The following ANKFY1 variants were observed in gnomAD, a reference collection of about 807,000 sequenced individuals.
The protein encoded by ANKFY1 is ankyrin repeat and FYVE domain-containing protein 1.
A neutral mutation model predicts 128.3 loss-of-function variants in ANKFY1; 47 were observed. That is an observed-to-expected ratio of 0.37 (90% confidence interval 0.29 to 0.47). The LOEUF (loss-of-function observed/expected upper bound fraction) is 0.47. ANKFY1 is among the 20% of genes least tolerant of loss of function. The pLI, the probability that ANKFY1 is intolerant of heterozygous loss-of-function variation, is 1.00. For missense variants in ANKFY1, 1,222 were observed against 1,510.6 expected, an observed-to-expected ratio of 0.81 and a Z score of 3.17; for synonymous variants, 553 against 601.6, an observed-to-expected ratio of 0.92 and a Z score of 1.18.
chr17:4,187,120 C>T, intron 11 of ANKFY1: 1 of 768,286 alleles, frequency 1.3e-6, no homozygotes, highest in Non-Finnish European at 1.8e-6. Flanking sequence ...GTACACTGTA[C>T]CCAGTATCAC....
At chr17:4,259,433 C>T (rs1383360377) in intron 1 of ANKFY1, among the ~76,000 whole-genome samples, 1 of 152,178 alleles carries the variant, frequency 6.6e-6, no homozygotes, top group African/African-American at 2.4e-5. Context: ...AGGCACATGC[C>T]ACCATGCCTG....
chr17:4,199,595 A>G (rs557728859), intron 7 of ANKFY1, among the ~76,000 whole-genome samples: 133 of 152,358 alleles, frequency 8.7e-4, no homozygotes, highest in African/African-American at 3.1e-3. Context: ...CCAAGAATTA[A>G]GATGAAAATG....
intron 12 of ANKFY1, 86 bp from the exon 13 acceptor site, chr17:4,183,996 G>C: frequency 1.8e-6 from 2 of 1,122,112 alleles, no homozygotes; most frequent in Non-Finnish European, 2.7e-6. Context: ...AACTCAAACT[G>C]CCTGTTGGGT....
intron 7 of ANKFY1, among the ~76,000 whole-genome samples, chr17:4,202,622 G>A (rs370911094): frequency 2.0e-5 from 3 of 147,784 alleles, no homozygotes; most frequent in Admixed American, 6.9e-5. Context: ...GCGTGAACCC[G>A]GGAGGCGGAG....
chr17:4,220,985 C>T (rs1049255850), intron 3 of ANKFY1, among the ~76,000 whole-genome samples: 2 of 152,242 alleles, frequency 1.3e-5, no homozygotes, highest in African/African-American at 4.8e-5. Context: ...AAATCTCTGA[C>T]TTCAAGGATG....
intron 7 of ANKFY1, 141 bp downstream of exon 7, chr17:4,206,180 G>C: frequency 1.1e-6 from 1 of 930,232 alleles, no homozygotes; most frequent in Non-Finnish European, 1.6e-6. Flanking sequence ...CTGACCCAAT[G>C]ATCAAATTCT....
chr17:4,242,761 C>A (rs1967315652), intron 1 of ANKFY1, among the ~76,000 whole-genome samples: 1 of 152,204 alleles, frequency 6.6e-6, no homozygotes, highest in Admixed American at 6.5e-5. Context: ...AAAAGAATGG[C>A]TTTGTTTCAG....
intron 4 of ANKFY1, among the ~76,000 whole-genome samples, chr17:4,214,628 C>G (rs1421887598): frequency 1.3e-5 from 2 of 151,162 alleles, no homozygotes; most frequent in Non-Finnish European, 2.9e-5. Flanking sequence ...CAGGTTCAAG[C>G]GATTCTCCTG....
At chr17:4,183,321 C>G in intron 14 of ANKFY1, 77 bp downstream of exon 14, 1 of 1,545,758 alleles carries the variant, frequency 6.5e-7, no homozygotes, top group South Asian at 1.2e-5. Flanking sequence ...AAACACTTTT[C>G]TACAAGCGAG....
chr17:4,236,812 A>G (rs905591528), intron 2 of ANKFY1, among the ~76,000 whole-genome samples: 3 of 152,186 alleles, frequency 2.0e-5, no homozygotes, highest in African/African-American at 7.2e-5. Flanking sequence ...AAAAGAAAAA[A>G]AAATACCATT....
At chr17:4,241,455 A>G (rs1567971957) in intron 2 of ANKFY1, among the ~76,000 whole-genome samples, 1 of 151,034 alleles carries the variant, frequency 6.6e-6, no homozygotes, top group East Asian at 2.0e-4. Context: ...AATTTTTTAT[A>G]TTTTTTTGTA....
chr17:4,163,958 T>C lies in ANKFY1; in HGVS notation c.*3821A>G, dbSNP rs2059168540. On this transcript the variant is annotated 3_prime_UTR_variant, in exon 25 of 25. Transcript: ENST00000341657. Reference sequence around the variant, plus strand: ...GGAATTGTTACAGAAAATGCAAATATCAGTATTTGAAAAATACATTCCATT... The same window carrying C: ...GGAATTGTTACAGAAAATGCAAATACCAGTATTTGAAAAATACATTCCATT... 1 of 152,674 alleles carries C rather than the reference T, an allele frequency of 6.5e-6. No homozygotes were observed. Among genetic ancestry groups the C allele is most frequent in the Admixed American group, 6.5e-5 (1 of 15,284 alleles). 9.5% of individuals were successfully genotyped at this position (152,674 alleles called of 1,614,324 possible).
Position 4,195,129 on chromosome 17 carries a change from C to A in ANKFY1, c.1221G>T (p.Leu407=). 1 of 1,613,922 alleles carries A rather than the reference C, an allele frequency of 6.2e-7. No individual in the cohort carries two copies. The highest frequency in any genetic ancestry group is 8.5e-7 in the Non-Finnish European group (1 of 1,179,832). ...KDHEGSTALW[L]AVQHITVSSD... ...AAGACACTGTGATATGCTGCACTGC[C>A]AGCCACAGAGCCGTGCTGCCCTCGT... The change falls in exon 10 of 25, where the codon CTG becomes CTT. Residue 407 remains leucine, a synonymous_variant. Transcript: ENST00000341657.
chr17:4,202,678 C>T (rs1322779952), intron 7 of ANKFY1, among the ~76,000 whole-genome samples: 2 of 106,502 alleles, frequency 1.9e-5, no homozygotes, highest in African/African-American at 3.8e-5. Context: ...GCCTGGGCGA[C>T]AGAGCGAAAC....
Position 4,167,928 on chromosome 17 carries a change from AG to A in ANKFY1, c.3378-18del. 6.2e-7 allele frequency: 1 copy of A among 1,610,818 alleles called. No homozygotes were observed. Among genetic ancestry groups the A allele is most frequent in the South Asian group, 1.1e-5 (1 of 90,804 alleles). On this transcript the variant is annotated intron_variant, in intron 24 of 24. Coordinates refer to ENST00000341657, the MANE Select transcript of ANKFY1 (RefSeq NM_001330063.2). The surrounding 1 kb of genome is among the most constrained non-coding windows in gnomAD (Gnocchi z 4.1). The stretch of plus-strand genomic sequence containing the variant: ...CAGTGACGACTGTGGAAGCAAAGAA[AG>A]GAAGTATGAGAGGAGCGCCAACGAC...
intron 1 of ANKFY1, among the ~76,000 whole-genome samples, chr17:4,242,724 T>G (rs1298230799): frequency 6.6e-6 from 1 of 152,200 alleles, no homozygotes; most frequent in Non-Finnish European, 1.5e-5. Context: ...TGTCTCCACG[T>G]TTTTAAATAT....
chr17:4,261,612 C>G (rs73328720), intron 1 of ANKFY1, among the ~76,000 whole-genome samples: 127 of 152,344 alleles, frequency 8.3e-4, no homozygotes, highest in African/African-American at 3.0e-3. Flanking sequence ...ACCCCACTGG[C>G]GAGATGTCTC....
At chr17:4,223,468 A>G in intron 3 of ANKFY1, 1 of 1,188,034 alleles carries the variant, frequency 8.4e-7, no homozygotes, top group Non-Finnish European at 1.3e-6. Context: ...TTAAGATCAC[A>G]GACAATGCCG....
In ANKFY1 at chr17:4,261,467, G is replaced by T. The variant is rs77578919; in HGVS notation, c.10+2465C>A. 1.5e-3 allele frequency among the ~76,000 whole-genome samples: 221 copies of T among 152,318 alleles called. 1 individual carries two copies. The highest frequency in any genetic ancestry group is 5.0e-3 in the African/African-American group (206 of 41,562). ...TGCACTCCCGCCTGGGCAACAGAGC[G>T]AGACTCCCTCAAAAGGAAAGGGGAA... On this transcript the variant is annotated intron_variant, in intron 1 of 24. Transcript: ENST00000341657.
Sources: gnomAD v4.1 joint callset for allele counts (sites outside exome capture counted in the v4.1 genomes callset) on GRCh38, gnomAD v4.1.1 for gene constraint, Gnocchi (gnomAD v3.1) non-coding constraint, MANE v1.5 for transcripts, NCBI Gene and HGNC (gene_info 2026-07-23, HGNC 2026-07-21) for gene names.